Variants in MARK3 observed in about 807,000 individuals in gnomAD.
MARK3 encodes microtubule affinity regulating kinase 3.
Under a neutral mutation model 90.1 loss-of-function variants are expected in MARK3, and 46 were observed. That is an observed-to-expected ratio of 0.51 (90% CI 0.40 to 0.65). The LOEUF (loss-of-function observed/expected upper bound fraction) is 0.65. Among genes scored for constraint, MARK3 ranks in the 30% least tolerant of loss-of-function variants. The pLI is 0.00. For missense variants in MARK3, 818 were observed against 947.2 expected (o/e 0.86, Z 1.79); for synonymous variants, 321 against 332.6 (o/e 0.97, Z 0.38).
At chr14:103,399,938 CT>C (rs11323012) in intron 1 of MARK3, among the ~76,000 whole-genome samples, 97,179 of 144,660 alleles carry the variant, frequency 0.67, 33,057 homozygotes, top group South Asian at 0.82. Context: ...CCCCACCCTC[CT>C]TTTTTTTTTT....
intron 2 of MARK3, among the ~76,000 whole-genome samples, chr14:103,415,670 C>G (rs1243940511): frequency 1.3e-5 from 2 of 152,186 alleles, no homozygotes; most frequent in African/African-American, 2.4e-5. Flanking sequence ...AGAGACCTTT[C>G]CCCTCACACG....
chr14:103,452,464 G>A lies in MARK3; in HGVS notation c.412+481G>A, dbSNP rs1024741357. Among the ~76,000 whole-genome samples, 4 of 119,190 alleles carry A rather than the reference G, an allele frequency of 3.4e-5. No homozygotes were observed. In the Admixed American group the frequency reaches 3.7e-4, roughly 11 times the overall value. 78.2% of individuals were successfully genotyped at this position (119,190 alleles called of 152,430 possible). A position where few individuals can be genotyped will look rare whatever the true frequency, so the allele number is the denominator to read the frequency against. On this transcript the variant is annotated intron_variant, in intron 5 of 17. Transcript: ENST00000429436. ...ACCTCATACAAGTGGAATTTTACAGGATTTGTCTTTTTTTTTTTTTTTTTT... is the reference window on the plus strand; with the variant it reads ...ACCTCATACAAGTGGAATTTTACAGAATTTGTCTTTTTTTTTTTTTTTTTT...
chr14:103,467,911 T>C, intron 11 of MARK3, 122 bp from the exon 12 acceptor site: 2 of 938,560 alleles, frequency 2.1e-6, no homozygotes, highest in Non-Finnish European at 3.1e-6. Context: ...TTGTACGTTG[T>C]GATTCCTCCT....
intron 1 of MARK3, among the ~76,000 whole-genome samples, chr14:103,398,906 T>G (rs973235630): frequency 1.3e-5 from 2 of 152,236 alleles, no homozygotes; most frequent in African/African-American, 2.4e-5. Context: ...GCTTGTGATT[T>G]AAGGAATAGA....
chr14:103,396,265 C>T (rs1459813829), intron 1 of MARK3, among the ~76,000 whole-genome samples: 1 of 152,144 alleles, frequency 6.6e-6, no homozygotes, highest in Admixed American at 6.5e-5. Context: ...AGTTCCTGAA[C>T]CTTTTGAGAG....
intron 1 of MARK3, among the ~76,000 whole-genome samples, chr14:103,386,731 C>A (rs970579451): frequency 2.2e-4 from 34 of 152,328 alleles, no homozygotes; most frequent in African/African-American, 7.7e-4. Flanking sequence ...AAGCTCTGCT[C>A]TGCCACTCAC....
rs760594588 is a variant in MARK3 at position 103,491,901 on chromosome 14, G to A, written c.1711G>A (p.Glu571Lys). 1.9e-6 allele frequency: 3 copies of A among 1,614,118 alleles called. No individual in the cohort carries two copies. Among genetic ancestry groups the A allele is most frequent in the Non-Finnish European group, 2.5e-6 (3 of 1,180,024 alleles). Residue 571 changes from glutamate to lysine, a missense_variant, in exon 15 of 18, where the codon GAA (glutamate) becomes AAA (lysine). Transcript: ENST00000429436. ...TAGCACTTTCCACGGCCAGCCCCGG[G>A]AACGGCGAACCGCAACATATAATGG... ...SRSTFHGQPRERRTATYNGPP... is the reference protein window; with the variant it reads ...SRSTFHGQPRKRRTATYNGPP...
At chr14:103,460,108 A>G (rs1440221333) in intron 6 of MARK3, among the ~76,000 whole-genome samples, 1 of 26,098 alleles carries the variant, frequency 3.8e-5, no homozygotes, top group Non-Finnish European at 7.0e-5. Context: ...TTTTTTTGAG[A>G]CAAATCTCGC....
intron 12 of MARK3, 125 bp downstream of exon 12, chr14:103,468,311 CTTCTTTTTTTT>C (rs1327696639): frequency 1.2e-4 from 18 of 155,444 alleles, no homozygotes; most frequent in African/African-American, 7.5e-4. Context: ...TTCTTTCTTT[CTTCTTTTTTTT>C]TTTTTTTTTT....
At chr14:103,498,733 C>G (rs1355094911) in intron 16 of MARK3, 1 of 341,740 alleles carries the variant, frequency 2.9e-6, no homozygotes, top group African/African-American at 2.1e-5. Flanking sequence ...GGTACCCATG[C>G]AACAAAAGGC....
chr14:103,474,882 C>T, intron 12 of MARK3, 111 bp from the exon 13 acceptor site: 5 of 780,178 alleles, frequency 6.4e-6, no homozygotes, highest in Middle Eastern at 3.2e-4. Flanking sequence ...TACTGTTTTA[C>T]ATTTTTTAGG....
intron 1 of MARK3, among the ~76,000 whole-genome samples, chr14:103,391,414 C>A (rs768816796): frequency 2.6e-5 from 4 of 152,114 alleles, no homozygotes; most frequent in Non-Finnish European, 4.4e-5. Context: ...AAAAGCAATA[C>A]TTTTATCATA....
chr14:103,499,854 G>A (rs143169475), intron 16 of MARK3: 12 of 129,056 alleles, frequency 9.3e-5, no homozygotes, highest in Non-Finnish European at 1.5e-4. Context: ...CCCGCTGTGC[G>A]TGCGTGGTGT....
chr14:103,457,280 A>C, intron 6 of MARK3, 68 bp downstream of exon 6: 1 of 1,189,986 alleles, frequency 8.4e-7, no homozygotes, highest in Non-Finnish European at 1.2e-6. Context: ...GAAGCAAACA[A>C]GTGTTTGCCT....
At chr14:103,499,167 T>A (rs1026657643) in intron 16 of MARK3, 1 of 152,214 alleles carries the variant, frequency 6.6e-6, no homozygotes, top group Non-Finnish European at 1.5e-5. Context: ...AAAGTGGTGT[T>A]CTGATTTTAT....
At position 103,451,901 on chromosome 14, in the gene MARK3, C is replaced by T. The variant is rs767474743; in HGVS notation, c.347-17C>T. ...ACATTTGTCTCTTTTTCTTCCGTGTCCTCTCCTCTCCCGCAGTGAAGTTAT... is the reference window on the plus strand; with the variant it reads ...ACATTTGTCTCTTTTTCTTCCGTGTTCTCTCCTCTCCCGCAGTGAAGTTAT... On this transcript the variant is annotated splice_polypyrimidine_tract_variant and intron_variant, in intron 4 of 17. Transcript: ENST00000429436. The T allele has an allele frequency of 6.3e-7, 1 of 1,591,806 alleles. No homozygotes were observed. Among genetic ancestry groups the T allele is most frequent in the East Asian group, 2.2e-5 (1 of 44,572 alleles).
chr14:103,462,510 G>T, intron 7 of MARK3, 49 bp downstream of exon 7: 1 of 1,396,274 alleles, frequency 7.2e-7, no homozygotes, highest in Non-Finnish European at 1.0e-6. Flanking sequence ...TTTGTGTGCA[G>T]TTCTCTCAGT....
chr14:103,392,937 G>A (rs2090352876), intron 1 of MARK3, among the ~76,000 whole-genome samples: 1 of 151,832 alleles, frequency 6.6e-6, no homozygotes, highest in Non-Finnish European at 1.5e-5. Context: ...AGCCTCCCAG[G>A]TAGCTAGGAT....
At chr14:103,422,110 CATTTT>C (rs754096528) in intron 2 of MARK3, among the ~76,000 whole-genome samples, 1 of 152,278 alleles carries the variant, frequency 6.6e-6, no homozygotes, top group South Asian at 2.1e-4. Context: ...TATCTATTGA[CATTTT>C]ATTTAAAGTC....
Sources: gnomAD v4.1 joint callset for allele counts (sites outside exome capture counted in the v4.1 genomes callset) on GRCh38, gnomAD v4.1.1 for gene constraint, MANE v1.5 for transcripts, NCBI Gene and HGNC (gene_info 2026-07-23, HGNC 2026-07-21) for gene names.